Variants in COL24A1 observed in about 807,000 individuals in gnomAD.
COL24A1 encodes collagen alpha-1(XXIV) chain.
A neutral mutation model predicts 253.9 loss-of-function variants in COL24A1; 224 were observed. That is an observed-to-expected ratio of 0.88 (90% CI 0.79 to 0.99). The LOEUF is 0.99. Ranked by LOEUF, COL24A1 falls within the 50% of genes least tolerant of loss-of-function variation. The pLI, the probability that COL24A1 is intolerant of heterozygous loss-of-function variation, is 0.00. For missense variants in COL24A1, 2,131 were observed against 2,068.5 expected, an observed-to-expected ratio of 1.03 and a Z score of -0.59; for synonymous variants, 685 against 673.7, an observed-to-expected ratio of 1.02 and a Z score of -0.26.
At chr1:86,102,951 A>G (rs1309186456) in intron 5 of COL24A1, among the ~76,000 whole-genome samples, 1 of 152,130 alleles carries the variant, frequency 6.6e-6, no homozygotes, top group Non-Finnish European at 1.5e-5. Context: ...TTCTGCCTCA[A>G]TGATGTGTCT....
At chr1:86,030,148 A>C (rs79403884) in intron 14 of COL24A1, 13,188 of 152,254 alleles carry the variant, frequency 0.087, 697 homozygotes, top group Middle Eastern at 0.19. Context: ...AGAAAAAAAA[A>C]CCCAAAATCT....
chr1:85,732,318 C>T (rs1663576727), intron 59 of COL24A1, among the ~76,000 whole-genome samples: 1 of 151,956 alleles, frequency 6.6e-6, no homozygotes, highest in African/African-American at 2.4e-5. Context: ...CAAGCTCCGC[C>T]TCCCAGGTTC....
At chr1:86,003,722 T>C (rs961908677) in intron 19 of COL24A1, among the ~76,000 whole-genome samples, 3 of 151,972 alleles carry the variant, frequency 2.0e-5, no homozygotes, top group Admixed American at 6.6e-5. Flanking sequence ...GAAGTGAGGA[T>C]ATATAGATTC....
In COL24A1 at chr1:85,926,949, C is replaced by A. The variant is rs566964023; in HGVS notation, c.2563-15516G>T. On this transcript the variant is annotated intron_variant, in intron 24 of 59. Transcript: ENST00000370571. ...TGTGGGAAGGTTTAAGAAGGATGAA[C>A]ATTAAGACAAATTCATAGAATTTAG... 1.7e-4 allele frequency among the ~76,000 whole-genome samples: 26 copies of A among 152,240 alleles called. 2 individuals carry two copies. The South Asian group carries it at 4.4e-3, about 26-fold the overall frequency.
intron 37 of COL24A1, among the ~76,000 whole-genome samples, chr1:85,851,750 G>A (rs1327620656): frequency 2.6e-5 from 4 of 152,068 alleles, no homozygotes; most frequent in South Asian, 4.1e-4. Context: ...CCTATCTTGT[G>A]CCCGTTATTC....
At chr1:86,112,187 G>A (rs7550571) in intron 5 of COL24A1, among the ~76,000 whole-genome samples, 26,418 of 151,702 alleles carry the variant, frequency 0.17, 2,408 homozygotes, top group South Asian at 0.25. Context: ...GTGTGGAGCA[G>A]GTAAATAATA....
chr1:85,797,830 G>C (rs1319590199), intron 47 of COL24A1, among the ~76,000 whole-genome samples: 1 of 152,098 alleles, frequency 6.6e-6, no homozygotes, highest in Non-Finnish European at 1.5e-5. Flanking sequence ...GCACACATCA[G>C]AAGCAAGGTA....
chr1:85,850,161 A>C (rs1256187799), intron 37 of COL24A1, among the ~76,000 whole-genome samples: 1 of 152,182 alleles, frequency 6.6e-6, no homozygotes, highest in African/African-American at 2.4e-5. Flanking sequence ...AAAGTGGGGC[A>C]CTATATGAAT....
chr1:86,127,518 T>C (rs568817079), intron 2 of COL24A1, among the ~76,000 whole-genome samples: 22 of 152,182 alleles, frequency 1.4e-4, no homozygotes, highest in African/African-American at 5.1e-4. Flanking sequence ...TAAATTTAAA[T>C]ATCACTTAAA....
intron 37 of COL24A1, among the ~76,000 whole-genome samples, chr1:85,857,710 T>C (rs1405405543): frequency 1.3e-5 from 2 of 152,176 alleles, no homozygotes; most frequent in Admixed American, 6.5e-5. Context: ...AGCATCTTGA[T>C]AGTCTGAGCA....
intron 8 of COL24A1, among the ~76,000 whole-genome samples, chr1:86,062,786 C>T (rs534377812): frequency 2.6e-5 from 4 of 152,234 alleles, no homozygotes; most frequent in Non-Finnish European, 5.9e-5. Flanking sequence ...TATATCACTT[C>T]GCTTGCCATG....
chr1:85,938,238 A>C (rs1174161717), intron 24 of COL24A1, among the ~76,000 whole-genome samples: 1 of 147,222 alleles, frequency 6.8e-6, no homozygotes, highest in African/African-American at 2.5e-5. Flanking sequence ...TCCACTTACT[A>C]TCACTCTCAA....
At chr1:85,848,980 T>A (rs1037871913) in intron 38 of COL24A1, among the ~76,000 whole-genome samples, 20 of 152,292 alleles carry the variant, frequency 1.3e-4, no homozygotes, top group African/African-American at 4.8e-4. Context: ...CAACAAATAA[T>A]TATAGTTACA....
chr1:86,123,527 A>G (rs1196149175), intron 3 of COL24A1, among the ~76,000 whole-genome samples: 1 of 152,012 alleles, frequency 6.6e-6, no homozygotes, highest in Non-Finnish European at 1.5e-5. Context: ...TGCTTTGCTT[A>G]TAGCAGAGAC....
intron 26 of COL24A1, among the ~76,000 whole-genome samples, 186 bp downstream of exon 26, chr1:85,909,760 CATTT>C (rs1685186058): frequency 6.6e-6 from 1 of 151,854 alleles, no homozygotes; most frequent in Non-Finnish European, 1.5e-5. Context: ...TAAGCCATCT[CATTT>C]ACATGCTTTT....
chr1:85,912,482 T>C (rs1024962818), intron 24 of COL24A1, among the ~76,000 whole-genome samples: 2 of 152,148 alleles, frequency 1.3e-5, no homozygotes, highest in African/African-American at 2.4e-5. Flanking sequence ...CTTGTTTAGA[T>C]AGATTCTCAT....
intron 47 of COL24A1, among the ~76,000 whole-genome samples, chr1:85,800,208 T>A (rs953308051): frequency 6.6e-6 from 1 of 152,200 alleles, no homozygotes; most frequent in African/African-American, 2.4e-5. Flanking sequence ...AATGTCAGGA[T>A]TCTCACATTT....
At chr1:85,879,725 G>A (rs925719601) in intron 32 of COL24A1, among the ~76,000 whole-genome samples, 32 of 152,296 alleles carry the variant, frequency 2.1e-4, no homozygotes, top group African/African-American at 7.7e-4. Flanking sequence ...TGGAAGTAGA[G>A]CATCATCAAG....
intron 19 of COL24A1, 41 bp from the exon 20 acceptor site, chr1:85,987,695 T>A: frequency 6.5e-7 from 1 of 1,540,406 alleles, no homozygotes. Flanking sequence ...CATAGAAAAT[T>A]ACTTTAAATC....
Sources: gnomAD v4.1 joint callset for allele counts (sites outside exome capture counted in the v4.1 genomes callset) on GRCh38, gnomAD v4.1.1 for gene constraint, MANE v1.5 for transcripts, NCBI Gene and HGNC (gene_info 2026-07-23, HGNC 2026-07-21) for gene names.